TTN: variants seen among roughly 807,000 people sequenced by gnomAD.
The protein encoded by TTN is titin.
TTN carries 1,525 observed loss-of-function variants against 3,223.0 expected under a neutral mutation model. The observed-to-expected ratio is 0.47, with a 90% CI of 0.45 to 0.49. The LOEUF (loss-of-function observed/expected upper bound fraction) is 0.49, where lower values mean the gene tolerates loss of function less well. Among genes scored for constraint, TTN ranks in the 20% least tolerant of loss-of-function variants. The probability of loss-of-function intolerance (pLI) is 0.00; values close to 1 mark genes in which losing one functional copy is unlikely to be tolerated. For missense variants in TTN, 40,786 were observed against 43,424.0 expected, an observed-to-expected ratio of 0.94 and a Z score of 5.40; for synonymous variants, 14,094 against 15,161.0, an observed-to-expected ratio of 0.93 and a Z score of 5.17.
At position 178,592,193 on chromosome 2, in the gene TTN, T is replaced by C. The variant is rs1016296280; in HGVS notation, c.59711A>G (p.Asp19904Gly). The stretch of plus-strand genomic sequence containing the variant: ...ATAATTGGTAATAACAGAACCACCA[T>C]CATCCAGTGGTTCTTTCCAAGTAAG... Reference protein sequence around the residue: ...CYLTWKEPLDDGGSVITNYVV... With the variant: ...CYLTWKEPLDGGGSVITNYVV... Residue 19904 changes from aspartate to glycine, a missense_variant, in exon 302 of 363, where the codon GAT (aspartate) becomes GGT (glycine). Coordinates refer to ENST00000589042, the MANE Select transcript of TTN (RefSeq NM_001267550.2). 2 of 1,612,118 alleles carry C rather than the reference T, an allele frequency of 1.2e-6. No homozygotes were observed. Among genetic ancestry groups the C allele is most frequent in the African/African-American group, 2.7e-5 (2 of 74,866 alleles).
In TTN at chr2:178,585,036, A is replaced by G. The variant is rs763803863; in HGVS notation, c.64672+36T>C. The G allele has an allele frequency of 2.5e-6, 4 of 1,602,174 alleles. No individual in the cohort carries two copies. The African/African-American group carries it at 5.4e-5, about 22-fold the overall frequency. Reference sequence around the variant, plus strand: ...ATACGTAAAAATATTTCTGAGCTTCATATTTAGATGGCCATTTGTCTAATA... The same window carrying G: ...ATACGTAAAAATATTTCTGAGCTTCGTATTTAGATGGCCATTTGTCTAATA... On this transcript the variant is annotated intron_variant, in intron 309 of 362. Coordinates refer to ENST00000589042, the MANE Select transcript of TTN (RefSeq NM_001267550.2).
chr2:178,621,327 T>C lies in TTN; in HGVS notation c.45391A>G (p.Ile15131Val). The C allele has an allele frequency of 1.9e-6, 3 of 1,611,898 alleles. No homozygotes were observed. The highest frequency in any genetic ancestry group is 2.5e-6 in the Non-Finnish European group (3 of 1,179,016). The change falls in exon 246 of 363, where the codon ATA (isoleucine) becomes GTA (valine). Residue 15131 changes from isoleucine (I) to valine (V), a missense_variant. Ile to Val is a conservative substitution (Grantham distance 29). Transcript: ENST00000589042. The stretch of plus-strand genomic sequence containing the variant: ...AATTCAGCCTTTTCTCCTTCAAGTA[T>C]TTCAAGGTTTTGAGGCTTTGAGATA... ...EFISKPQNLE[I>V]LEGEKAEFVC... is the part of the protein sequence containing the mutation.
intron 163 of TTN, among the ~76,000 whole-genome samples, chr2:178,666,563 T>C (rs1180997335): frequency 6.6e-6 from 1 of 152,158 alleles, no homozygotes; most frequent in Non-Finnish European, 1.5e-5. Flanking sequence ...TGTGTATATA[T>C]ATTTTCTTTG....
At chr2:178,692,676 C>A in intron 119 of TTN, 96 bp from the exon 120 acceptor site, 1 of 892,400 alleles carries the variant, frequency 1.1e-6, no homozygotes, top group South Asian at 2.3e-5. Flanking sequence ...CCTTTTTATA[C>A]CAACTGAATG....
Position 178,717,681 on chromosome 2 carries a change from A to G in TTN, c.25193T>C (p.Val8398Ala). 6.2e-7 allele frequency: 1 copy of G among 1,613,216 alleles called. No homozygotes were observed. Among genetic ancestry groups the G allele is most frequent in the Non-Finnish European group, 8.5e-7 (1 of 1,179,558 alleles). ...CAAATTAGCATCATCTTTCAAAAGA[A>G]CCCCATCCTTGTACCAAGACACTTG... ...PLQVSWYKDG[V>A]LLKDDANLQT... Residue 8398 changes from valine (V) to alanine (A), a missense_variant, in exon 87 of 363, where the codon GTT becomes GCT. Physicochemically the swap from Val to Ala is moderately conservative, Grantham distance 64. Transcript: ENST00000589042.
In TTN at chr2:178,785,894, G is replaced by T. The variant is rs754044074; in HGVS notation, c.2324C>A (p.Thr775Asn). The T allele has an allele frequency of 7.4e-6, 12 of 1,614,126 alleles. No individual in the cohort carries two copies. Among genetic ancestry groups the T allele is most frequent in the East Asian group, 6.7e-5 (3 of 44,860 alleles). Residue 775 changes from threonine (T) to asparagine (N), a missense_variant, in exon 14 of 363, where the codon ACT (threonine) becomes AAT (asparagine). By Grantham distance (65) the Thr-to-Asn change is moderately conservative. Transcript: ENST00000589042. ...KPRVIQAPSE[T>N]HIKTTDQKGM... ...CTTTTGATCAGTAGTTTTGATATGA[G>T]TCTCAGAAGGAGCCTGGATTACTCT...
In TTN at chr2:178,778,984, G is replaced by A. The variant is rs760223250; in HGVS notation, c.4098C>T (p.Ala1366=). ...PEDEGIYTAF[A]SNIKGNAICS... ...AAATTGCATTTCCTTTAATATTGCT[G>A]GCAAATGCAGTGTAGATTCCTTCAT... Residue 1366 remains alanine (A), a synonymous_variant, in exon 24 of 363, where the codon GCC becomes GCT. Coordinates refer to ENST00000589042, the MANE Select transcript of TTN (RefSeq NM_001267550.2). 1.9e-6 allele frequency: 3 copies of A among 1,613,836 alleles called. No individual in the cohort carries two copies. Among genetic ancestry groups the A allele is most frequent in the Middle Eastern group, 1.6e-4 (1 of 6,084 alleles).
At chr2:178,600,295 A>G (rs1423216728) in intron 288 of TTN, among the ~76,000 whole-genome samples, 2 of 151,664 alleles carry the variant, frequency 1.3e-5, no homozygotes, top group Non-Finnish European at 2.9e-5. Context: ...TTTTGCACAA[A>G]TTTAGGACAG....
At position 178,580,582 on chromosome 2, in the gene TTN, TC is replaced by T; in HGVS notation, c.66796del (p.Asp22266ThrfsTer2). On this transcript the variant is annotated frameshift_variant, in exon 317 of 363. Transcript: ENST00000589042. LOFTEE classifies it high-confidence loss of function. ...LIPPEGELDA[D>X]LRKTLILRAG... ...ACGTAATATGAGTGTCTTCCTTAAG[TC>T]CGCATCAAGTTCTCCCTCAGGTGGA... The T allele has an allele frequency of 6.2e-7, 1 of 1,611,326 alleles. No homozygotes were observed. Among genetic ancestry groups the T allele is most frequent in the Non-Finnish European group, 8.5e-7 (1 of 1,178,958 alleles).
In TTN at chr2:178,536,918, A is replaced by G. The variant is rs753768974; in HGVS notation, c.100171+20T>C. 6.4e-7 allele frequency: 1 copy of G among 1,553,146 alleles called. No homozygotes were observed. Among genetic ancestry groups the G allele is most frequent in the Non-Finnish European group, 8.7e-7 (1 of 1,146,938 alleles). On this transcript the variant is annotated intron_variant, in intron 356 of 362. Transcript: ENST00000589042. ...ATGGAACTTTACCATAGGAAGATACAGAAATCAAGTTGTACTCACCAAATG... is the reference window on the plus strand; with the variant it reads ...ATGGAACTTTACCATAGGAAGATACGGAAATCAAGTTGTACTCACCAAATG...
rs397517588 is a variant in TTN, at chr2:178,618,727, A to G, written c.46823T>C (p.Leu15608Ser). 8.9e-5 allele frequency: 144 copies of G among 1,611,904 alleles called. No individual in the cohort carries two copies. The South Asian group carries it at 1.4e-3, about 16-fold the overall frequency. ...EAEWFKENEP[L>S]STKTIDTTAE... ...CGTAGTATCAATGGTTTTTGTAGAT[A>G]AAGGTTCATTTTCTTTAAACCATTC... Residue 15608 changes from leucine to serine, a missense_variant, in exon 251 of 363, where the codon TTA becomes TCA. Transcript: ENST00000589042.
Position 178,704,976 on chromosome 2 carries a change from A to C in TTN, c.29605-10T>G. The C allele has an allele frequency of 6.2e-7, 1 of 1,611,558 alleles. No homozygotes were observed. The highest frequency in any genetic ancestry group is 1.1e-5 in the South Asian group (1 of 90,718). ...CTATTTCCTCAATTTCCTGAGAAGA[A>C]CAAAAATGATAGGCATTACAGATGA... On this transcript the variant is annotated splice_polypyrimidine_tract_variant and intron_variant, in intron 103 of 362. Transcript: ENST00000589042.
chr2:178,714,023 T>C lies in TTN; in HGVS notation c.26635A>G (p.Ser8879Gly). 1 of 1,613,542 alleles carries C rather than the reference T, an allele frequency of 6.2e-7. No homozygotes were observed. The highest frequency in any genetic ancestry group is 8.5e-7 in the Non-Finnish European group (1 of 1,179,662). Residue 8879 changes from serine (S) to glycine (G), a missense_variant, in exon 92 of 363, where the codon AGC becomes GGC. By Grantham distance (56) the Ser-to-Gly change is moderately conservative (BLOSUM62 0). Transcript: ENST00000589042. ...AGGCCGGATACTTTGTTGAAGAAGC[T>C]TATTTTGTATTTGTTGTCACTTGTT... is the stretch of plus-strand genomic sequence containing the variant. Reference protein sequence around the residue: ...ELTSDNKYKISFFNKVSGLKI... With the variant: ...ELTSDNKYKIGFFNKVSGLKI...
chr2:178,746,604 T>A, intron 47 of TTN: 1 of 1,613,254 alleles, frequency 6.2e-7, no homozygotes, highest in Non-Finnish European at 8.5e-7. Flanking sequence ...TTTGCAAAGC[T>A]CTTTGCTTCC....
chr2:178,709,474 T>A, intron 99 of TTN, 92 bp downstream of exon 99: 1 of 1,315,766 alleles, frequency 7.6e-7, no homozygotes, highest in Non-Finnish European at 1.0e-6. Flanking sequence ...TTGTTATAAC[T>A]TACTTGGTCA....
chr2:178,796,424 C>G (rs373913698), intron 6 of TTN, among the ~76,000 whole-genome samples: 3 of 152,144 alleles, frequency 2.0e-5, no homozygotes, highest in African/African-American at 7.2e-5. Flanking sequence ...CTCTAACTTA[C>G]AGAGTACCCT....
Position 178,710,890 on chromosome 2 carries a change from G to C in TTN, c.28207C>G (p.Leu9403Val), listed in dbSNP as rs752742472. Residue 9403 changes from leucine to valine, a missense_variant, in exon 98 of 363, where the codon CTT (leucine) becomes GTT (valine). Transcript: ENST00000589042. ...CCCACCACAGCATCCACAGGGGCAA[G>C]ACGGATGTCAAAGAAGGGTGGGTTC... ...GKNPPFFDIR[L>V]APVDAVVGES... 2.5e-6 allele frequency: 4 copies of C among 1,613,546 alleles called. No homozygotes were observed. In the South Asian group the frequency reaches 4.4e-5, roughly 18 times the overall value.
rs768340304 is a variant in TTN, at chr2:178,799,549, C to T, written c.852G>A (p.Ser284=). ...KAQLARQQSP[S]PIRHSPSPVR... ...CCGGGGAAGGGGAGTGTCTTATGGG[C>T]GATGGGGACTGCTGCCGAGCCAGCT... Residue 284 remains serine, a synonymous_variant, in exon 6 of 363, where the codon TCG becomes TCA. Transcript: ENST00000589042. 6.2e-6 allele frequency: 10 copies of T among 1,614,086 alleles called. No homozygotes were observed. The highest frequency in any genetic ancestry group is 1.6e-4 in the Middle Eastern group (1 of 6,062).
At chr2:178,737,217 A>T (rs1036354324) in intron 49 of TTN, 1 of 152,160 alleles carries the variant, frequency 6.6e-6, no homozygotes, top group South Asian at 2.1e-4. Flanking sequence ...CAAGTATTTG[A>T]TGAGTGTTAA....
Sources: gnomAD v4.1 joint callset for allele counts (sites outside exome capture counted in the v4.1 genomes callset) on GRCh38, gnomAD v4.1.1 for gene constraint, MANE v1.5 for transcripts, NCBI Gene and HGNC (gene_info 2026-07-23, HGNC 2026-07-21) for gene names.